Variants in STMN3 observed in about 807,000 individuals in gnomAD.
STMN3 encodes the protein stathmin-3.
In STMN3, 24 loss-of-function variants were observed where a neutral mutation model predicts 23.2. The ratio of observed to expected loss-of-function variants is 1.03; its 90% CI spans 0.75 to 1.45. The LOEUF (loss-of-function observed/expected upper bound fraction) is 1.45, where lower values mean the gene tolerates loss of function less well. Ranked by LOEUF, STMN3 falls within the 40% of genes most tolerant of loss-of-function variation. The pLI, the probability that STMN3 is intolerant of heterozygous loss-of-function variation, is 0.00. For synonymous variants in STMN3, 117 were observed against 103.4 expected (o/e 1.13, Z -0.80); for missense variants, 235 against 237.6 (o/e 0.99, Z 0.07).
chr20:63,646,256 G>A (rs2089808082), intron 1 of STMN3, among the ~76,000 whole-genome samples: 1 of 152,076 alleles, frequency 6.6e-6, no homozygotes, highest in African/African-American at 2.4e-5. Flanking sequence ...GCCGGGAAGC[G>A]AGGCAAAGCT....
intron 4 of STMN3, among the ~76,000 whole-genome samples, chr20:63,641,691 G>A (rs866655913): frequency 2.0e-4 from 31 of 152,190 alleles, no homozygotes; most frequent in African/African-American, 5.3e-4. Flanking sequence ...TATTACTGCG[G>A]CTAGTTACTG....
intron 3 of STMN3, chr20:63,643,532 C>G: frequency 1.5e-6 from 1 of 648,004 alleles, no homozygotes; most frequent in Non-Finnish European, 1.9e-6. Flanking sequence ...CTGCCTGCCT[C>G]AGCTTCCCAA....
chr20:63,645,497 A>G (rs1384256597), intron 1 of STMN3, among the ~76,000 whole-genome samples: 4 of 152,132 alleles, frequency 2.6e-5, no homozygotes, highest in Admixed American at 2.0e-4. Flanking sequence ...CTGCTGCCCA[A>G]CCCAAACCAG....
chr20:63,647,667 ATATATACG>A (rs1569069764), intron 1 of STMN3, among the ~76,000 whole-genome samples: 1 of 114,814 alleles, frequency 8.7e-6, no homozygotes, highest in Non-Finnish European at 1.9e-5. Flanking sequence ...TATATAATAT[ATATATACG>A]TATATATACA....
In STMN3 at chr20:63,651,117, A is replaced by C. The variant is rs776554407; in HGVS notation, c.19+2210T>G. On this transcript the variant is annotated intron_variant, in intron 1 of 4. Coordinates refer to ENST00000370053, the MANE Select transcript of STMN3 (RefSeq NM_015894.4). The stretch of plus-strand genomic sequence containing the variant: ...TGGGATCACAGGAGTGTGTCACCAC[A>C]CCTGGCTAATTTTGTACTTTTAGCA... 6.6e-5 allele frequency among the ~76,000 whole-genome samples: 10 copies of C among 151,956 alleles called. No homozygotes were observed. In the South Asian group the frequency reaches 2.1e-3, roughly 32 times the overall value.
chr20:63,648,973 G>A (rs1361313806), intron 1 of STMN3, among the ~76,000 whole-genome samples: 1 of 152,104 alleles, frequency 6.6e-6, no homozygotes, highest in Non-Finnish European at 1.5e-5. Flanking sequence ...GAAAGAAGGG[G>A]CACGGTGGGG....
chr20:63,650,965 T>C (rs1463560984), intron 1 of STMN3, among the ~76,000 whole-genome samples: 25 of 149,970 alleles, frequency 1.7e-4, no homozygotes, highest in Non-Finnish European at 2.8e-4. Flanking sequence ...TTTCTTCTTT[T>C]TTTTTTTTTT....
In STMN3 at chr20:63,640,142, G is replaced by A. The variant is rs1006205972; in HGVS notation, c.*1196C>T. On this transcript the variant is annotated 3_prime_UTR_variant, in exon 5 of 5. Transcript: ENST00000370053. ...CCCCCTTCACACTTTACAGCAAGGG[G>A]CCAGGCAGCAGCTTTGGGATGGGGC... is the stretch of plus-strand genomic sequence containing the variant. 6.5e-6 allele frequency: 1 copy of A among 152,838 alleles called. No homozygotes were observed. Among genetic ancestry groups the A allele is most frequent in the Non-Finnish European group, 1.5e-5 (1 of 68,132 alleles). 9.5% of individuals were successfully genotyped at this position (152,838 alleles called of 1,614,324 possible).
Position 63,644,279 on chromosome 20 carries a change from A to G in STMN3, c.50T>C (p.Val17Ala). 1 of 1,613,652 alleles carries G rather than the reference A, an allele frequency of 6.2e-7. No homozygotes were observed. Among genetic ancestry groups the G allele is most frequent in the Non-Finnish European group, 8.5e-7 (1 of 1,179,864 alleles). ...GAAGCAGGAGCAGATGAGCGACAGC[A>G]CCGACAGCTCCTTCATCTTCTCCTT... ...AYKEKMKELS[V>A]LSLICSCFYT... is the part of the protein sequence containing the mutation. Residue 17 changes from valine (V) to alanine (A), a missense_variant, in exon 2 of 5, where the codon GTG (valine) becomes GCG (alanine). Physicochemically the swap from Val to Ala is moderately conservative, Grantham distance 64 (BLOSUM62 0). Coordinates refer to ENST00000370053, the MANE Select transcript of STMN3 (RefSeq NM_015894.4).
intron 1 of STMN3, 32 bp from the exon 2 acceptor site, chr20:63,644,341 C>T: frequency 6.4e-7 from 1 of 1,571,068 alleles, no homozygotes; most frequent in East Asian, 2.3e-5. Context: ...GAGCAAGCAC[C>T]ACTGGGGCCT....
At chr20:63,650,305 A>G (rs1343418209) in intron 1 of STMN3, among the ~76,000 whole-genome samples, 1 of 152,038 alleles carries the variant, frequency 6.6e-6, no homozygotes, top group Non-Finnish European at 1.5e-5. Flanking sequence ...TCTTTGTACT[A>G]AACATTAGAT....
At chr20:63,647,958 A>ATG (rs1315079081) in intron 1 of STMN3, among the ~76,000 whole-genome samples, 2,973 of 74,448 alleles carry the variant, frequency 0.04, 238 homozygotes, top group South Asian at 0.12. Context: ...GTATATATAT[A>ATG]TGTATATATA....
chr20:63,650,063 G>A (rs914728387), intron 1 of STMN3, among the ~76,000 whole-genome samples: 4 of 151,250 alleles, frequency 2.6e-5, no homozygotes, highest in Admixed American at 6.6e-5. Flanking sequence ...CCTGACCTCC[G>A]GTGATCTGCC....
In STMN3 at chr20:63,652,829, A is replaced by G; in HGVS notation, c.19+498T>C. 2 of 973,684 alleles carry G rather than the reference A, an allele frequency of 2.1e-6. No individual in the cohort carries two copies. Among genetic ancestry groups the G allele is most frequent in the Non-Finnish European group, 1.2e-6 (1 of 820,090 alleles). 60.3% of individuals were successfully genotyped at this position (973,684 alleles called of 1,614,324 possible). ...CGTGTCTGGCCCGCCCCCCTCCTTC[A>G]GCGCCCCCTCCAGCCCCTGTGCTGC... On this transcript the variant is annotated intron_variant, in intron 1 of 4. Transcript: ENST00000370053. This position sits in a 1 kb window ranked among gnomAD's most constrained non-coding sequence, Gnocchi z 5.3.
rs1384680583 is a variant in STMN3 at position 63,653,384 on chromosome 20, C to A, written c.-39G>T. On this transcript the variant is annotated 5_prime_UTR_variant, in exon 1 of 5. Transcript: ENST00000370053. ...GTTGGGCCTGCGGAGGCTGGAGAGG[C>A]GCAAGTGGCGGCCGGAGCTGCAGAC... 1 of 1,521,404 alleles carries A rather than the reference C, an allele frequency of 6.6e-7. No individual in the cohort carries two copies. The highest frequency in any genetic ancestry group is 8.8e-7 in the Non-Finnish European group (1 of 1,132,864). The allele number at this position is 1,521,404 out of a possible 1,614,324, so 94.2% of individuals were successfully genotyped here. A position where few individuals can be genotyped will look rare whatever the true frequency, so the allele number is the denominator to read the frequency against.
intron 1 of STMN3, among the ~76,000 whole-genome samples, chr20:63,645,434 C>A (rs2089801753): frequency 6.6e-6 from 1 of 152,194 alleles, no homozygotes; most frequent in South Asian, 2.1e-4. Context: ...TTCAGCACCA[C>A]AGCCAGCCCT....
At chr20:63,649,010 T>C (rs1366593944) in intron 1 of STMN3, among the ~76,000 whole-genome samples, 1 of 152,032 alleles carries the variant, frequency 6.6e-6, no homozygotes, top group Non-Finnish European at 1.5e-5. Flanking sequence ...TCACAGGTCT[T>C]GGCTCTGCCC....
Position 63,642,212 on chromosome 20 carries a change from T to C in STMN3, c.379A>G (p.Asn127Asp). The C allele has an allele frequency of 6.4e-7, 1 of 1,562,534 alleles. No individual in the cohort carries two copies. The highest frequency in any genetic ancestry group is 8.6e-7 in the Non-Finnish European group (1 of 1,156,558). The change falls in exon 4 of 5, where the codon AAC becomes GAC. Residue 127 changes from asparagine to aspartate, a missense_variant. Transcript: ENST00000370053. The part of the protein sequence containing the change: ...VLHKALEENN[N>D]FSRQAEEKLN... ...TTCTCCTCCGCCTGGCGGCTGAAGT[T>C]GTTATTCTCCTCCAGCGCCTTGTGC... is the stretch of plus-strand genomic sequence containing the variant.
In STMN3 at chr20:63,652,179, G is replaced by C. The variant is rs2089865014; in HGVS notation, c.19+1148C>G. Reference sequence around the variant, plus strand: ...CCTCCAAGCCCGTGGGGCCTGAGGGGCGGGGTCAGGTCGGGCACGCGTGGG... The same window carrying C: ...CCTCCAAGCCCGTGGGGCCTGAGGGCCGGGGTCAGGTCGGGCACGCGTGGG... On this transcript the variant is annotated intron_variant, in intron 1 of 4. Transcript: ENST00000370053. This position sits in a 1 kb window ranked among gnomAD's most constrained non-coding sequence, Gnocchi z 5.3. 6.6e-6 allele frequency: 1 copy of C among 152,338 alleles called. No homozygotes were observed. Among genetic ancestry groups the C allele is most frequent in the Non-Finnish European group, 1.5e-5 (1 of 68,130 alleles). 9.4% of individuals were successfully genotyped at this position (152,338 alleles called of 1,614,324 possible).
Sources: allele counts gnomAD v4.1 joint callset (sites outside exome capture counted in the v4.1 genomes callset), GRCh38; gene constraint gnomAD v4.1.1; non-coding constraint Gnocchi (gnomAD v3.1); transcripts MANE v1.5; gene names NCBI Gene and HGNC (gene_info 2026-07-23, HGNC 2026-07-21).